The following DLG2 variants were observed in gnomAD, a reference collection of about 807,000 sequenced individuals.
DLG2 encodes disks large homolog 2.
DLG2 carries 45 observed loss-of-function variants against 132.5 expected under a neutral mutation model. The observed-to-expected ratio is 0.34, with a 90% CI of 0.27 to 0.44. The LOEUF is 0.44. DLG2 is among the 20% of genes least tolerant of loss of function. DLG2 has a pLI of 1.00. For synonymous variants in DLG2, 424 were observed against 419.6 expected, an observed-to-expected ratio of 1.01 and a Z score of -0.13; for missense variants, 1,045 against 1,196.9, an observed-to-expected ratio of 0.87 and a Z score of 1.87.
chr11:83,724,931 C>T, intron 18 of DLG2: 1 of 702,436 alleles, frequency 1.4e-6, no homozygotes, highest in Non-Finnish European at 2.6e-6. Flanking sequence ...CTGTTCCCTC[C>T]TCCTGGTTGA....
intron 6 of DLG2, among the ~76,000 whole-genome samples, chr11:84,841,205 G>A (rs1257955616): frequency 6.6e-6 from 1 of 151,858 alleles, no homozygotes; most frequent in East Asian, 1.9e-4. Flanking sequence ...ACCTGGATGA[G>A]TATGATACAT....
rs760832594 is a variant in DLG2 at position 83,945,934 on chromosome 11, G to GTCCTTCCTTCCTTCCT, written c.1341-15467_1341-15452dup. The stretch of plus-strand genomic sequence containing the variant: ...TTTCCTTCTTTCCTTCCTTCCTTCC[G>GTCCTTCCTTCCTTCCT]TCCTTCCTTCCTTCCTTCCTTTCCT... On this transcript the variant is annotated intron_variant, in intron 14 of 27. Transcript: ENST00000376104. Among the ~76,000 whole-genome samples, 177 of 136,044 alleles carry GTCCTTCCTTCCTTCCT rather than the reference G, an allele frequency of 1.3e-3. 1 individual carries two copies. The highest frequency in any genetic ancestry group is 3.9e-3 in the East Asian group (18 of 4,648). 89.3% of individuals were successfully genotyped at this position (136,044 alleles called of 152,430 possible). A position where few individuals can be genotyped will look rare whatever the true frequency, so the allele number is the denominator to read the frequency against.
At chr11:83,585,976 G>C (rs368740480) in intron 19 of DLG2, among the ~76,000 whole-genome samples, 1 of 152,316 alleles carries the variant, frequency 6.6e-6, no homozygotes, top group East Asian at 1.9e-4. Flanking sequence ...AGAGAAACTA[G>C]GGCAAATAAA....
At chr11:83,729,999 T>A (rs2090709290) in intron 18 of DLG2, among the ~76,000 whole-genome samples, 1 of 152,158 alleles carries the variant, frequency 6.6e-6, no homozygotes, top group South Asian at 2.1e-4. Context: ...CAAAACAAAC[T>A]TTTTTTAATT....
intron 3 of DLG2, among the ~76,000 whole-genome samples, chr11:85,458,335 A>AT (rs1042762357): frequency 1.3e-5 from 2 of 151,916 alleles, no homozygotes; most frequent in Non-Finnish European, 2.9e-5. Context: ...CAGCCTCTGT[A>AT]TTTTTTTAAT....
At chr11:83,839,110 T>C (rs1278583526) in intron 16 of DLG2, among the ~76,000 whole-genome samples, 3 of 152,194 alleles carry the variant, frequency 2.0e-5, no homozygotes, top group African/African-American at 4.8e-5. Context: ...TTCCTGTCTT[T>C]AAAAACAGAA....
chr11:84,542,347 AC>A (rs2099376571), intron 6 of DLG2, among the ~76,000 whole-genome samples: 1 of 152,218 alleles, frequency 6.6e-6, no homozygotes, highest in Middle Eastern at 3.2e-3. Context: ...AGTAATAATT[AC>A]AGTTCCTTAC....
At chr11:84,731,311 G>A (rs892128391) in intron 6 of DLG2, among the ~76,000 whole-genome samples, 2 of 151,940 alleles carry the variant, frequency 1.3e-5, no homozygotes, top group Non-Finnish European at 2.9e-5. Context: ...GGCCAAGTTC[G>A]GGATACAGTG....
At chr11:85,518,911 G>C (rs1005639306) in intron 3 of DLG2, among the ~76,000 whole-genome samples, 1 of 152,222 alleles carries the variant, frequency 6.6e-6, no homozygotes, top group Non-Finnish European at 1.5e-5. Context: ...TCAGAGGGTA[G>C]AAGCCCCAAG....
At chr11:83,770,123 C>A (rs2094325471) in intron 18 of DLG2, among the ~76,000 whole-genome samples, 1 of 152,098 alleles carries the variant, frequency 6.6e-6, no homozygotes, top group South Asian at 2.1e-4. Context: ...TGGGTAAATG[C>A]TTTTAAATAC....
intron 6 of DLG2, among the ~76,000 whole-genome samples, chr11:85,063,729 A>G (rs1259967641): frequency 6.6e-6 from 1 of 151,828 alleles, no homozygotes; most frequent in Admixed American, 6.6e-5. Context: ...AGGCTGTAAA[A>G]TGGAAATAAC....
intron 11 of DLG2, among the ~76,000 whole-genome samples, chr11:84,047,363 T>C (rs1304495861): frequency 1.3e-5 from 2 of 151,636 alleles, no homozygotes; most frequent in African/African-American, 4.8e-5. Flanking sequence ...ACCCAATATC[T>C]CTAATGCTTA....
At chr11:84,082,576 G>T (rs1475085115) in intron 10 of DLG2, among the ~76,000 whole-genome samples, 1 of 152,182 alleles carries the variant, frequency 6.6e-6, no homozygotes, top group Non-Finnish European at 1.5e-5. Flanking sequence ...TGATGTATTT[G>T]TGCTTTTAAT....
chr11:83,565,209 T>G lies in DLG2; in HGVS notation c.1941-23351A>C, dbSNP rs147900251. Among the ~76,000 whole-genome samples, 185 of 152,308 alleles carry G rather than the reference T, an allele frequency of 1.2e-3. 3 individuals carry two copies. The highest frequency in any genetic ancestry group is 4.1e-3 in the African/African-American group (171 of 41,572). On this transcript the variant is annotated intron_variant, in intron 19 of 27. Coordinates refer to ENST00000376104, the MANE Select transcript of DLG2 (RefSeq NM_001142699.3). Reference sequence around the variant, plus strand: ...TGAGATTATAATATGACCATTGTGCTGGAGAATCAGTTCCAACTGCAATCT... The same window carrying G: ...TGAGATTATAATATGACCATTGTGCGGGAGAATCAGTTCCAACTGCAATCT...
intron 5 of DLG2, among the ~76,000 whole-genome samples, chr11:85,148,461 G>A (rs2077004838): frequency 6.6e-6 from 1 of 152,132 alleles, no homozygotes; most frequent in East Asian, 1.9e-4. Context: ...GGCATGAGAT[G>A]GTACCTCATT....
intron 6 of DLG2, among the ~76,000 whole-genome samples, chr11:84,732,047 G>C (rs143063245): frequency 1.1e-3 from 174 of 152,046 alleles, no homozygotes; most frequent in African/African-American, 4.0e-3. Flanking sequence ...TATGTGTTTG[G>C]AGTCTGAATT....
At chr11:85,474,185 C>T (rs1339110200) in intron 3 of DLG2, among the ~76,000 whole-genome samples, 1 of 151,688 alleles carries the variant, frequency 6.6e-6, no homozygotes, top group East Asian at 1.9e-4. Context: ...GACTTTAATG[C>T]AAAGATCATT....
chr11:85,424,192 C>T (rs535260718), intron 3 of DLG2, among the ~76,000 whole-genome samples: 3 of 152,170 alleles, frequency 2.0e-5, no homozygotes, highest in Admixed American at 6.5e-5. Flanking sequence ...GTTTCCCTAG[C>T]TGGGGGGTGT....
chr11:84,352,173 C>T (rs951581353), intron 7 of DLG2, among the ~76,000 whole-genome samples: 1 of 152,198 alleles, frequency 6.6e-6, no homozygotes, highest in Non-Finnish European at 1.5e-5. Context: ...CACAGCATGG[C>T]ATGAAGTAGA....
Sources: gnomAD v4.1 joint callset for allele counts (sites outside exome capture counted in the v4.1 genomes callset) on GRCh38, gnomAD v4.1.1 for gene constraint, MANE v1.5 for transcripts, NCBI Gene and HGNC (gene_info 2026-07-23, HGNC 2026-07-21) for gene names.